FAM149A: variants seen among roughly 807,000 people sequenced by gnomAD.
FAM149A encodes family with sequence similarity 149 member A.
FAM149A carries 71 observed loss-of-function variants against 78.2 expected under a neutral mutation model. That is an observed-to-expected ratio of 0.91 (90% CI 0.75 to 1.11). FAM149A has a LOEUF of 1.11. FAM149A is among the 50% of genes least tolerant of loss of function. The pLI, the probability that FAM149A is intolerant of heterozygous loss-of-function variation, is 0.00. For missense variants in FAM149A, 1,036 were observed against 971.0 expected (o/e 1.07, Z -0.89); for synonymous variants, 446 against 410.5 (o/e 1.09, Z -1.04).
chr4:186,143,149 CTTTT>C lies in FAM149A; in HGVS notation c.567-6002_567-5999del, dbSNP rs141403092. On this transcript the variant is annotated intron_variant, in intron 1 of 13. Coordinates refer to ENST00000389354, the MANE Select transcript of FAM149A (RefSeq NM_001367768.3). ...TAAATGACTTTGTGTTCGATTTTTACTTTTTTTTTTTTTTTTTTTTTTTTTGAGA... is the reference window on the plus strand; with the variant it reads ...TAAATGACTTTGTGTTCGATTTTTACTTTTTTTTTTTTTTTTTTTTTGAGA... 5.3e-3 allele frequency among the ~76,000 whole-genome samples: 454 copies of C among 84,990 alleles called. 3 individuals are homozygous for C. Among genetic ancestry groups the C allele is most frequent in the African/African-American group, 0.013 (357 of 27,292 alleles). The allele number at this position is 84,990 out of a possible 152,430, so 55.8% of individuals were successfully genotyped here.
chr4:186,137,431 A>G (rs2126394724), intron 1 of FAM149A, among the ~76,000 whole-genome samples: 1 of 152,268 alleles, frequency 6.6e-6, no homozygotes, highest in East Asian at 1.9e-4. Context: ...TGATATGTGC[A>G]TGGTACGCAC....
At position 186,144,749 on chromosome 4, in the gene FAM149A, G is replaced by A. The variant is rs1732853422; in HGVS notation, c.567-4424G>A. 3.3e-6 allele frequency: 3 copies of A among 913,206 alleles called. No individual in the cohort carries two copies. The highest frequency in any genetic ancestry group is 3.9e-6 in the Non-Finnish European group (3 of 763,912). The allele number at this position is 913,206 out of a possible 1,614,324, so 56.6% of individuals were successfully genotyped here. A position where few individuals can be genotyped will look rare whatever the true frequency, so the allele number is the denominator to read the frequency against. The stretch of plus-strand genomic sequence containing the variant: ...GGGGCCGGGGCCGGGGCCGGGGCCC[G>A]GAGCGGGGATGGGCGGGCGCAGCCG... On this transcript the variant is annotated intron_variant, in intron 1 of 13. Coordinates refer to ENST00000389354, the MANE Select transcript of FAM149A (RefSeq NM_001367768.3). The surrounding 1 kb of genome is among the most constrained non-coding windows in gnomAD (Gnocchi z 4.2).
At chr4:186,122,489 TGTATG>T (rs1159424526) in intron 1 of FAM149A, among the ~76,000 whole-genome samples, 7 of 152,294 alleles carry the variant, frequency 4.6e-5, no homozygotes, top group Non-Finnish European at 1.0e-4. Context: ...TTTTAGGAAA[TGTATG>T]GTAAGGTAGG....
intron 1 of FAM149A, among the ~76,000 whole-genome samples, chr4:186,106,528 A>G (rs761614191): frequency 6.6e-6 from 1 of 152,176 alleles, no homozygotes; most frequent in Non-Finnish European, 1.5e-5. Flanking sequence ...CTGCATTGTA[A>G]TCTAGTGAGG....
At chr4:186,130,858 A>G (rs2099320495) in intron 1 of FAM149A, among the ~76,000 whole-genome samples, 1 of 152,198 alleles carries the variant, frequency 6.6e-6, no homozygotes, top group Non-Finnish European at 1.5e-5. Context: ...ACCTATTTGT[A>G]CATGGATGTT....
rs190778751 is a variant in FAM149A, at chr4:186,105,351, G to T, written c.275G>T (p.Gly92Val). 1.2e-3 allele frequency: 1,361 copies of T among 1,179,642 alleles called. 2 individuals are homozygous for T. The highest frequency in any genetic ancestry group is 2.5e-3 in the South Asian group (161 of 63,802). 73.1% of individuals were successfully genotyped at this position (1,179,642 alleles called of 1,614,324 possible). Residue 92 changes from glycine (G) to valine (V), a missense_variant, in exon 1 of 14, where the codon GGG becomes GTG. Coordinates refer to ENST00000389354, the MANE Select transcript of FAM149A (RefSeq NM_001367768.3). ...GCCAGCCGCGCCGCGGGAGCAGTGGGGACCCTGCTCTCTTGGCCCAGTAGC... is the reference window on the plus strand; with the variant it reads ...GCCAGCCGCGCCGCGGGAGCAGTGGTGACCCTGCTCTCTTGGCCCAGTAGC...
intron 1 of FAM149A, among the ~76,000 whole-genome samples, chr4:186,136,950 CTCTCTCTCTCTCTT>C (rs1285739127): frequency 0.02 from 2,531 of 124,696 alleles, 59 homozygotes; most frequent in Non-Finnish European, 0.03. Flanking sequence ...CTCTCTCTCT[CTCTCTCTCTCTCTT>C]TCTCTCTCTC....
At chr4:186,145,243 C>A in intron 1 of FAM149A, 2 of 728,270 alleles carry the variant, frequency 2.7e-6, no homozygotes, top group Non-Finnish European at 3.4e-6. Flanking sequence ...GTCAGGCCGG[C>A]CCCGGGCATG....
At chr4:186,137,398 A>T (rs1321008194) in intron 1 of FAM149A, among the ~76,000 whole-genome samples, 1 of 152,120 alleles carries the variant, frequency 6.6e-6, no homozygotes, top group Non-Finnish European at 1.5e-5. Context: ...TCCCTCATGC[A>T]CATTCATATC....
At chr4:186,151,496 G>A (rs1410195076) in intron 3 of FAM149A, among the ~76,000 whole-genome samples, 1 of 152,088 alleles carries the variant, frequency 6.6e-6, no homozygotes, top group African/African-American at 2.4e-5. Context: ...AAAAAATCTT[G>A]TATTTTGCAG....
chr4:186,153,230 A>G, intron 4 of FAM149A: 1 of 976,294 alleles, frequency 1.0e-6, no homozygotes, highest in Non-Finnish European at 1.2e-6. Context: ...TACATAAGCC[A>G]AGTGTGCATA....
At chr4:186,162,817 T>C (rs1734717251) in intron 8 of FAM149A, 28 bp from the exon 9 acceptor site, 2 of 865,858 alleles carry the variant, frequency 2.3e-6, no homozygotes, top group African/African-American at 3.5e-5. Context: ...ATTCTTTTTT[T>C]TTTTTTTTTT....
At chr4:186,147,228 A>G (rs1039543247) in intron 1 of FAM149A, among the ~76,000 whole-genome samples, 2 of 152,152 alleles carry the variant, frequency 1.3e-5, no homozygotes, top group Non-Finnish European at 2.9e-5. Context: ...ACAAAACATT[A>G]AAAAGTTAGC....
chr4:186,163,302 G>A (rs756621681), intron 9 of FAM149A, 122 bp from the exon 10 acceptor site: 57 of 720,844 alleles, frequency 7.9e-5, no homozygotes, highest in African/African-American at 1.6e-4. Context: ...CATTCAACCC[G>A]TGCTTAGGAG....
chr4:186,151,831 AAGT>A (rs1733609222), intron 3 of FAM149A, 69 bp from the exon 4 acceptor site: 1 of 1,564,922 alleles, frequency 6.4e-7, no homozygotes, highest in South Asian at 1.2e-5. Flanking sequence ...GTAAATGTAT[AAGT>A]AGCGTTGATC....
At chr4:186,145,858 T>C (rs1434751632) in intron 1 of FAM149A, among the ~76,000 whole-genome samples, 1 of 152,202 alleles carries the variant, frequency 6.6e-6, no homozygotes, top group African/African-American at 2.4e-5. Flanking sequence ...TGTGTACACT[T>C]TCTTAGACTG....
intron 1 of FAM149A, chr4:186,110,190 A>G: frequency 2.0e-6 from 2 of 985,408 alleles, no homozygotes; most frequent in Non-Finnish European, 1.2e-6. Flanking sequence ...TCTTCCTCAT[A>G]TAATCCACTG....
At chr4:186,108,849 GGTT>G (rs2099309908) in intron 1 of FAM149A, among the ~76,000 whole-genome samples, 2 of 144,760 alleles carry the variant, frequency 1.4e-5, no homozygotes, top group Middle Eastern at 3.5e-3. Context: ...CTCAATCTCT[GGTT>G]TTTTTTTTTT....
intron 1 of FAM149A, among the ~76,000 whole-genome samples, chr4:186,107,922 C>T (rs1274037494): frequency 6.6e-6 from 1 of 152,204 alleles, no homozygotes; most frequent in African/African-American, 2.4e-5. Flanking sequence ...CATCATACCC[C>T]ACTCCTTTTT....
Sources: gnomAD v4.1 joint callset for allele counts (sites outside exome capture counted in the v4.1 genomes callset) on GRCh38, gnomAD v4.1.1 for gene constraint, Gnocchi (gnomAD v3.1) non-coding constraint, MANE v1.5 for transcripts, NCBI Gene and HGNC (gene_info 2026-07-23, HGNC 2026-07-21) for gene names.